EXOG: variants seen among roughly 807,000 people sequenced by gnomAD.
EXOG encodes exo/endonuclease G.
EXOG carries 27 observed loss-of-function variants against 25.8 expected under a neutral mutation model. That is an observed-to-expected ratio of 1.05 (90% CI 0.77 to 1.45). EXOG has a LOEUF of 1.45. EXOG is among the 40% of genes most tolerant of loss of function. The pLI is 0.00. For missense variants in EXOG, 458 were observed against 450.5 expected (o/e 1.02, Z -0.15); for synonymous variants, 133 against 167.0 (o/e 0.80, Z 1.57).
intron 5 of EXOG, among the ~76,000 whole-genome samples, chr3:38,507,906 G>A (rs1186906110): frequency 6.6e-6 from 1 of 152,204 alleles, no homozygotes; most frequent in Non-Finnish European, 1.5e-5. Context: ...GGCCGAGGCA[G>A]GCGATCACGA....
intron 3 of EXOG, 44 bp downstream of exon 3, chr3:38,501,538 T>TA: frequency 6.3e-7 from 1 of 1,577,584 alleles, no homozygotes; most frequent in African/African-American, 1.3e-5. Flanking sequence ...GGGCTGATGT[T>TA]ATGCATACAA....
intron 5 of EXOG, among the ~76,000 whole-genome samples, chr3:38,522,554 G>T (rs2060750504): frequency 6.6e-6 from 1 of 152,188 alleles, no homozygotes; most frequent in Admixed American, 6.5e-5. Context: ...GCCCAGGCTG[G>T]AGTGTAGTGT....
At chr3:38,523,189 G>A (rs1264401092) in intron 5 of EXOG, 2 of 1,288,324 alleles carry the variant, frequency 1.6e-6, no homozygotes, top group Admixed American at 4.6e-5. Flanking sequence ...GAGTACCCAA[G>A]CCTGCAGTTT....
At position 38,518,037 on chromosome 3, in the gene EXOG, T is replaced by C. The variant is rs556043798; in HGVS notation, c.646-5864T>C. ...ATATAGTTTGTTAGTAAAATAAATT[T>C]GAAAAATTATCTTGAAATTCTTGCC... On this transcript the variant is annotated intron_variant, in intron 5 of 5. Transcript: ENST00000287675. Among the ~76,000 whole-genome samples the C allele has an allele frequency of 2.0e-5, 3 of 152,302 alleles. No individual in the cohort carries two copies. The East Asian group carries it at 5.8e-4, about 29-fold the overall frequency.
In EXOG at chr3:38,497,622, T is replaced by TTTTTTTTTGG; in HGVS notation, c.164-3_164-2insTTTTGGTTTT. 6.4e-7 allele frequency: 1 copy of TTTTTTTTTGG among 1,553,268 alleles called. No homozygotes were observed. Among genetic ancestry groups the TTTTTTTTTGG allele is most frequent in the East Asian group, 2.3e-5 (1 of 43,988 alleles). ...GCCCCCCCTTTTTTTTTTTTTTTCA[T>TTTTTTTTTGG]TTTTAGGATCTGCAGAAAAGGCTGT... On this transcript the variant is annotated splice_region_variant and splice_polypyrimidine_tract_variant and intron_variant, in intron 1 of 5. Transcript: ENST00000287675.
chr3:38,497,703 C>G lies in EXOG; in HGVS notation c.238C>G (p.His80Asp), dbSNP rs1456612831. 1 of 1,606,080 alleles carries G rather than the reference C, an allele frequency of 6.2e-7. No individual in the cohort carries two copies. ...AACAGAGGCAAGGTGTTACACTAAT[C>G]ACGCTTTGTCTTATGATCAGGCAAA... ...TGTEARCYTN[H>D]ALSYDQAKRV... The change falls in exon 2 of 6, where the codon CAC becomes GAC. Residue 80 changes from histidine (H) to aspartate (D), a missense_variant. By Grantham distance (81) the His-to-Asp change is moderately conservative. This residue lies in a region of EXOG where 275 missense variants were observed against 230.5 expected (regional missense o/e 1.19). Transcript: ENST00000287675.
intron 5 of EXOG, among the ~76,000 whole-genome samples, chr3:38,522,441 G>A (rs1028046029): frequency 6.6e-6 from 1 of 152,236 alleles, no homozygotes; most frequent in African/African-American, 2.4e-5. Flanking sequence ...GATTATGTCA[G>A]TTATTGGGGA....
chr3:38,505,428 C>T (rs1450380396), intron 4 of EXOG: 2 of 151,698 alleles, frequency 1.3e-5, no homozygotes, highest in African/African-American at 4.8e-5. Flanking sequence ...AAAACTTTAC[C>T]TTGTAATTGG....
At chr3:38,516,199 C>CATATAT (rs148245042) in intron 5 of EXOG, among the ~76,000 whole-genome samples, 3 of 150,592 alleles carry the variant, frequency 2.0e-5, no homozygotes, top group Admixed American at 6.7e-5. Flanking sequence ...TATGGATATC[C>CATATAT]ATATATATAT....
At chr3:38,497,302 A>G (rs1453660237) in intron 1 of EXOG, 1 of 1,058,320 alleles carries the variant, frequency 9.4e-7, no homozygotes, top group East Asian at 8.4e-5. Context: ...TCATCTTGCA[A>G]CAGCACACAT....
Position 38,505,958 on chromosome 3 carries a change from A to G in EXOG, c.531-896A>G, listed in dbSNP as rs546736788. Among the ~76,000 whole-genome samples the G allele has an allele frequency of 1.1e-4, 16 of 151,556 alleles. 1 individual carries two copies. The East Asian group carries it at 1.9e-3, about 18-fold the overall frequency. ...GAGTGAGACTCCGTCTCAAAAGAAA[A>G]AAAAAAAAAACTTCCAACTGCAGTC... is the stretch of plus-strand genomic sequence containing the variant. On this transcript the variant is annotated intron_variant, in intron 4 of 5. Coordinates refer to ENST00000287675, the MANE Select transcript of EXOG (RefSeq NM_005107.4).
intron 1 of EXOG, 59 bp from the exon 2 acceptor site, chr3:38,497,570 T>C: frequency 2.0e-6 from 3 of 1,508,802 alleles, no homozygotes; most frequent in Non-Finnish European, 2.6e-6. Flanking sequence ...GAGCCACTAA[T>C]TGTGTGTGTG....
At chr3:38,519,350 TG>T (rs1273424569) in intron 5 of EXOG, 3 of 152,368 alleles carry the variant, frequency 2.0e-5, no homozygotes, top group Non-Finnish European at 4.4e-5. Flanking sequence ...GATTCTGGTT[TG>T]GACATTATAA....
chr3:38,506,977 G>GTTTAATA lies in EXOG; in HGVS notation c.645+10_645+16dup. 1.8e-6 allele frequency: 2 copies of GTTTAATA among 1,126,010 alleles called. No homozygotes were observed. The highest frequency in any genetic ancestry group is 2.5e-5 in the South Asian group (2 of 80,160). 69.8% of individuals were successfully genotyped at this position (1,126,010 alleles called of 1,614,324 possible). A position where few individuals can be genotyped will look rare whatever the true frequency, so the allele number is the denominator to read the frequency against. ...AAATAGTTAGTTACCAGGTAAGGATGTTTAATAGTCAGGTTTATGTTATCT... is the reference window on the plus strand; with the variant it reads ...AAATAGTTAGTTACCAGGTAAGGATGTTTAATATTTAATAGTCAGGTTTATGTTATCT... On this transcript the variant is annotated intron_variant, in intron 5 of 5. Coordinates refer to ENST00000287675, the MANE Select transcript of EXOG (RefSeq NM_005107.4).
At position 38,525,052 on chromosome 3, in the gene EXOG, G is replaced by C. The variant is rs1040200918; in HGVS notation, c.*690G>C. 13 of 984,960 alleles carry C rather than the reference G, an allele frequency of 1.3e-5. No homozygotes were observed. The highest frequency in any genetic ancestry group is 3.5e-5 in the African/African-American group (2 of 57,162). The allele number at this position is 984,960 out of a possible 1,614,324, so 61.0% of individuals were successfully genotyped here. On this transcript the variant is annotated 3_prime_UTR_variant, in exon 6 of 6. Transcript: ENST00000287675. Reference sequence around the variant, plus strand: ...TTTTTCTCCTCTCATGAATCTGCTCGTTTCTCTACTTCTGTCTACGTAGAA... The same window carrying C: ...TTTTTCTCCTCTCATGAATCTGCTCCTTTCTCTACTTCTGTCTACGTAGAA...
chr3:38,498,901 T>C (rs1293273332), intron 2 of EXOG: 2 of 456,586 alleles, frequency 4.4e-6, no homozygotes, highest in African/African-American at 4.0e-5. Flanking sequence ...CAGATCTTGA[T>C]AATTAATGTC....
rs2059935180 is a variant in EXOG, at chr3:38,497,686, C to A, written c.221C>A (p.Ala74Glu). The part of the protein sequence containing the change: ...QFGFPLTGTE[A>E]RCYTNHALSY... Reference sequence around the variant, plus strand: ...GGATTCCCTTTAACTGGAACAGAGGCAAGGTGTTACACTAATCACGCTTTG... The same window carrying A: ...GGATTCCCTTTAACTGGAACAGAGGAAAGGTGTTACACTAATCACGCTTTG... Residue 74 changes from alanine to glutamate, a missense_variant, in exon 2 of 6, where the codon GCA (alanine) becomes GAA (glutamate). Around this residue, in one of 3 missense-constraint regions of EXOG, gnomAD observed 275 missense variants for 230.5 expected, o/e 1.19. Coordinates refer to ENST00000287675, the MANE Select transcript of EXOG (RefSeq NM_005107.4). 1.9e-6 allele frequency: 3 copies of A among 1,606,860 alleles called. No individual in the cohort carries two copies. The highest frequency in any genetic ancestry group is 2.2e-5 in the East Asian group (1 of 44,506).
chr3:38,496,799 C>T (rs1170655113), intron 1 of EXOG: 4 of 1,451,842 alleles, frequency 2.8e-6, no homozygotes, highest in East Asian at 5.9e-5. Context: ...CCCCCAGTTA[C>T]TCATCGCGAT....
intron 5 of EXOG, chr3:38,515,915 G>A (rs1168082504): frequency 1.3e-5 from 2 of 152,204 alleles, no homozygotes; most frequent in African/African-American, 2.4e-5. Flanking sequence ...CTACTTTTGT[G>A]AGTTGTAGGA....
Sources: allele counts gnomAD v4.1 joint callset (sites outside exome capture counted in the v4.1 genomes callset), GRCh38; gene constraint gnomAD v4.1.1; regional missense constraint gnomAD v4.1.1; transcripts MANE v1.5; gene names NCBI Gene and HGNC (gene_info 2026-07-23, HGNC 2026-07-21).